NRG1: variants seen among roughly 807,000 people sequenced by gnomAD.
NRG1 encodes pro-neuregulin-1, membrane-bound isoform.
In NRG1, 18 loss-of-function variants were observed where a neutral mutation model predicts 63.8. That is an observed-to-expected ratio of 0.28 (90% CI 0.19 to 0.42). NRG1 has a LOEUF of 0.42. Among genes scored for constraint, NRG1 ranks in the 10% least tolerant of loss-of-function variants. NRG1 has a pLI of 1.00. For synonymous variants in NRG1, 302 were observed against 301.3 expected (o/e 1.00, Z -0.02); for missense variants, 762 against 814.7 (o/e 0.94, Z 0.79).
At chr8:31,649,382 G>A (rs1804620621) in intron 1 of NRG1, among the ~76,000 whole-genome samples, 1 of 152,168 alleles carries the variant, frequency 6.6e-6, no homozygotes, top group Non-Finnish European at 1.5e-5. Flanking sequence ...CCTCACACAT[G>A]CTATTTTCTA....
intron 1 of NRG1, among the ~76,000 whole-genome samples, chr8:32,291,115 A>G (rs1452423964): frequency 6.6e-6 from 1 of 152,234 alleles, no homozygotes; most frequent in African/African-American, 2.4e-5. Context: ...AGGAAGGAGA[A>G]GTTCTTTCTT....
chr8:31,682,743 A>G (rs1488559091), intron 1 of NRG1, among the ~76,000 whole-genome samples: 1 of 152,148 alleles, frequency 6.6e-6, no homozygotes, highest in African/African-American at 2.4e-5. Context: ...GCTACATCTC[A>G]CAAACGTTAT....
chr8:31,859,803 A>G lies in NRG1; in HGVS notation c.37+220372A>G, dbSNP rs142103784. Among the ~76,000 whole-genome samples, 876 of 152,334 alleles carry G rather than the reference A, an allele frequency of 5.8e-3. 8 individuals are homozygous for G. Among genetic ancestry groups the G allele is most frequent in the South Asian group, 0.02 (95 of 4,830 alleles). ...ATTGTCTTTATTCTAGCCTTTTATAACATTACCTTGGCTCTTCAAAGTCAA... is the reference window on the plus strand; with the variant it reads ...ATTGTCTTTATTCTAGCCTTTTATAGCATTACCTTGGCTCTTCAAAGTCAA... On this transcript the variant is annotated intron_variant, in intron 1 of 10. Coordinates refer to the NRG1 transcript ENST00000519301.
chr8:32,591,794 C>T (rs559145698), intron 1 of NRG1, among the ~76,000 whole-genome samples: 4 of 151,874 alleles, frequency 2.6e-5, no homozygotes, highest in South Asian at 2.1e-4. Flanking sequence ...TCCTTGAGAG[C>T]GGAGGGTGAG....
chr8:31,879,151 G>A (rs2129612513), intron 1 of NRG1, among the ~76,000 whole-genome samples: 1 of 152,278 alleles, frequency 6.6e-6, no homozygotes, highest in South Asian at 2.1e-4. Flanking sequence ...GATAATTGAG[G>A]AACATTTTCG....
chr8:31,998,087 C>T (rs1812310299), intron 1 of NRG1, among the ~76,000 whole-genome samples: 1 of 151,930 alleles, frequency 6.6e-6, no homozygotes, highest in Non-Finnish European at 1.5e-5. Context: ...CTCAATATCA[C>T]TTATGGCAAT....
chr8:32,086,599 C>G (rs1206492554), intron 1 of NRG1, among the ~76,000 whole-genome samples: 1 of 152,160 alleles, frequency 6.6e-6, no homozygotes, highest in East Asian at 1.9e-4. Context: ...CATGCTTTTT[C>G]TAACTTATTT....
intron 1 of NRG1, among the ~76,000 whole-genome samples, chr8:32,044,718 C>A (rs1820649301): frequency 7.2e-6 from 1 of 139,330 alleles, no homozygotes; most frequent in African/African-American, 2.8e-5. Flanking sequence ...ACTCTACAGT[C>A]AAAGAAGAAG....
At chr8:32,576,161 A>G (rs1839595478) in intron 1 of NRG1, among the ~76,000 whole-genome samples, 2 of 152,128 alleles carry the variant, frequency 1.3e-5, no homozygotes, top group African/African-American at 4.8e-5. Context: ...TCTCTTAGCA[A>G]TTTTCAAATA....
chr8:31,936,930 C>T (rs1052188340), intron 1 of NRG1, among the ~76,000 whole-genome samples: 7 of 152,152 alleles, frequency 4.6e-5, no homozygotes, highest in African/African-American at 1.4e-4. Flanking sequence ...AAGCATTTTA[C>T]AGATTACATA....
intron 1 of NRG1, among the ~76,000 whole-genome samples, chr8:31,770,883 C>T (rs1818561722): frequency 6.6e-6 from 1 of 151,036 alleles, no homozygotes; most frequent in Non-Finnish European, 1.5e-5. Context: ...TCCCACAGTC[C>T]CTGTTACCTA....
intron 1 of NRG1, among the ~76,000 whole-genome samples, chr8:32,499,475 G>T (rs997799442): frequency 6.6e-6 from 1 of 151,994 alleles, no homozygotes; most frequent in African/African-American, 2.4e-5. Flanking sequence ...TCGAGGCCAG[G>T]AGTTCAAGAT....
intron 1 of NRG1, among the ~76,000 whole-genome samples, chr8:32,587,925 G>C (rs1258006445): frequency 6.6e-6 from 1 of 151,794 alleles, no homozygotes; most frequent in Non-Finnish European, 1.5e-5. Flanking sequence ...GTTTTGTTTT[G>C]TTTTGTTTTG....
chr8:32,753,413 T>A (rs1829095086), intron 7 of NRG1, among the ~76,000 whole-genome samples: 1 of 152,250 alleles, frequency 6.6e-6, no homozygotes. Context: ...GATCGCATTT[T>A]GGGTGCAGTA....
chr8:32,093,588 A>T (rs1829497238), intron 1 of NRG1, among the ~76,000 whole-genome samples: 1 of 152,142 alleles, frequency 6.6e-6, no homozygotes, highest in African/African-American at 2.4e-5. Context: ...GGGTCCTCTA[A>T]TCTGGCTGTG....
chr8:32,154,049 C>T (rs1837795225), intron 1 of NRG1, among the ~76,000 whole-genome samples: 1 of 152,172 alleles, frequency 6.6e-6, no homozygotes, highest in South Asian at 2.1e-4. Flanking sequence ...CTTTGTTCAT[C>T]TGAAACTCTT....
At chr8:32,452,947 G>A (rs2129488190) in intron 1 of NRG1, among the ~76,000 whole-genome samples, 1 of 152,212 alleles carries the variant, frequency 6.6e-6, no homozygotes, top group African/African-American at 2.4e-5. Context: ...AGGTCAGTAG[G>A]CCAGGTTCTG....
chr8:31,803,012 A>C (rs559181467), intron 1 of NRG1, among the ~76,000 whole-genome samples: 2 of 152,276 alleles, frequency 1.3e-5, no homozygotes, highest in East Asian at 1.9e-4. Flanking sequence ...CTGGCTTAGC[A>C]TTCTGGTATT....
In NRG1 at chr8:32,608,202, A is replaced by C. The variant is rs554490412; in HGVS notation, c.400+2519A>C. ...TGTTTTCTTTTTTGTTTTTTGAGACAGGGTTTCACTCTGTCACCCAGGCTA... is the reference window on the plus strand; with the variant it reads ...TGTTTTCTTTTTTGTTTTTTGAGACCGGGTTTCACTCTGTCACCCAGGCTA... On this transcript the variant is annotated intron_variant, in intron 3 of 11. Coordinates refer to ENST00000356819, the Ensembl canonical transcript of NRG1. 1.9e-4 allele frequency among the ~76,000 whole-genome samples: 29 copies of C among 149,070 alleles called. 2 individuals carry two copies. In the South Asian group the frequency reaches 5.9e-3, roughly 30 times the overall value.
Sources: allele counts gnomAD v4.1 joint callset (sites outside exome capture counted in the v4.1 genomes callset), GRCh38; gene constraint gnomAD v4.1.1; transcripts MANE v1.5; gene names NCBI Gene and HGNC (gene_info 2026-07-23, HGNC 2026-07-21).